The following SPMAP2 variants were observed in gnomAD, a reference collection of about 807,000 sequenced individuals.
SPMAP2 encodes the protein sperm microtubule associated protein 2.
chr19:371,151 C>T, the SPMAP2 span: 3 of 1,099,334 alleles, frequency 2.7e-6, no homozygotes, highest in Non-Finnish European at 3.8e-6. Flanking sequence ...TCACTCTCTG[C>T]CGGGTCCCAG....
the SPMAP2 span, chr19:366,999 G>A: frequency 6.4e-7 from 1 of 1,556,732 alleles, no homozygotes; most frequent in Non-Finnish European, 8.8e-7. Flanking sequence ...CTAGGCAGAG[G>A]TATAAGGTGT....
the SPMAP2 span, chr19:372,718 C>T: frequency 1.7e-5 from 28 of 1,613,652 alleles, no homozygotes; most frequent in East Asian, 6.7e-5. Flanking sequence ...AAATGGGAAA[C>T]GGAGTCAGTG....
At chr19:373,917 G>A in the SPMAP2 span, 79 of 1,609,952 alleles carry the variant, frequency 4.9e-5, no homozygotes, top group Middle Eastern at 1.2e-3. Flanking sequence ...ATAGGCACAC[G>A]GCGGAGACAG....
the SPMAP2 span, chr19:375,925 C>T: frequency 6.8e-7 from 1 of 1,468,846 alleles, no homozygotes; most frequent in Non-Finnish European, 9.0e-7. Context: ...CCCGCAGCCT[C>T]AGAGCTGGGC....
the SPMAP2 span, chr19:371,178 G>A: frequency 7.5e-7 from 1 of 1,332,038 alleles, no homozygotes; most frequent in East Asian, 2.8e-5. Context: ...TGGCGGGGGT[G>A]AGTCGCGGGG....
chr19:370,774 C>T, the SPMAP2 span, among the ~76,000 whole-genome samples: 1 of 152,198 alleles, frequency 6.6e-6, no homozygotes, highest in African/African-American at 2.4e-5. Context: ...TACCGACGCA[C>T]GCGAGAGTCT....
chr19:373,556 C>A, the SPMAP2 span: 1 of 1,610,478 alleles, frequency 6.2e-7, no homozygotes, highest in Non-Finnish European at 8.5e-7. Flanking sequence ...CGGCTCAGGG[C>A]AAGGGAGGCA....
At chr19:368,610 T>C in the SPMAP2 span, among the ~76,000 whole-genome samples, 1 of 152,210 alleles carries the variant, frequency 6.6e-6, no homozygotes, top group Non-Finnish European at 1.5e-5. This position sits in a 1 kb window ranked among gnomAD's most constrained non-coding sequence, Gnocchi z 4.1. Context: ...AGTCTGTGAT[T>C]GTTGGCTGGT....
At chr19:375,174 C>A in the SPMAP2 span, among the ~76,000 whole-genome samples, 1 of 152,212 alleles carries the variant, frequency 6.6e-6, no homozygotes, top group East Asian at 1.9e-4. Flanking sequence ...TGCCCAAAAT[C>A]AGCGCCCCCA....
the SPMAP2 span, chr19:371,182 C>G: frequency 7.3e-7 from 1 of 1,371,936 alleles, no homozygotes. Context: ...GGGGGTGAGT[C>G]GCGGGGGGCA....
the SPMAP2 span, among the ~76,000 whole-genome samples, chr19:365,555 ACACTCG>A: frequency 1.5e-4 from 9 of 60,764 alleles, no homozygotes; most frequent in South Asian, 4.8e-4. Context: ...ACACAGCCAC[ACACTCG>A]CTCTTACCCC....
chr19:372,636 G>T, the SPMAP2 span: 4 of 1,614,006 alleles, frequency 2.5e-6, no homozygotes, highest in Non-Finnish European at 3.4e-6. Context: ...CCCACCTGTT[G>T]TTGTTGTAAT....
the SPMAP2 span, among the ~76,000 whole-genome samples, chr19:367,685 G>A: frequency 6.6e-6 from 1 of 152,190 alleles, no homozygotes. Context: ...AACACGCGCA[G>A]GCTTGGTGAC....
At chr19:369,623 G>A in the SPMAP2 span, among the ~76,000 whole-genome samples, 1 of 152,134 alleles carries the variant, frequency 6.6e-6, no homozygotes, top group African/African-American at 2.4e-5. Flanking sequence ...GTGTGAAGAA[G>A]CCTAAACAGG....
chr19:373,369 A>T, the SPMAP2 span: 1 of 1,123,710 alleles, frequency 8.9e-7, no homozygotes, highest in Non-Finnish European at 1.3e-6. Context: ...CTCCGAGGAG[A>T]TGGGGCAAGG....
the SPMAP2 span, among the ~76,000 whole-genome samples, chr19:368,442 G>A: frequency 8.4e-5 from 12 of 143,132 alleles, no homozygotes; most frequent in Admixed American, 4.1e-4. This position sits in a 1 kb window ranked among gnomAD's most constrained non-coding sequence, Gnocchi z 4.1. Context: ...TGCTTTGCTG[G>A]AAGAGGAACT....
the SPMAP2 span, among the ~76,000 whole-genome samples, chr19:369,481 G>C: frequency 6.6e-6 from 1 of 151,774 alleles, no homozygotes; most frequent in East Asian, 1.9e-4. Context: ...ATGGCAACCA[G>C]GAAGGGGATC....
the SPMAP2 span, among the ~76,000 whole-genome samples, chr19:365,708 AC>A: frequency 6.8e-6 from 1 of 148,130 alleles, no homozygotes; most frequent in South Asian, 2.2e-4. Context: ...ACTCACTCTT[AC>A]CCCCACCACA....
chr19:371,170 G>A, the SPMAP2 span: 3 of 1,288,900 alleles, frequency 2.3e-6, no homozygotes, highest in Admixed American at 2.7e-5. Flanking sequence ...AGCCCGCCTG[G>A]CGGGGGTGAG....
Sources: gnomAD v4.1 joint callset for allele counts (sites outside exome capture counted in the v4.1 genomes callset) on GRCh38, gnomAD v4.1.1 for gene constraint, Gnocchi (gnomAD v3.1) non-coding constraint, MANE v1.5 for transcripts, NCBI Gene and HGNC (gene_info 2026-07-23, HGNC 2026-07-21) for gene names.